GRID2: variants seen among roughly 807,000 people sequenced by gnomAD.
GRID2 encodes the protein glutamate ionotropic receptor delta type subunit 2.
Under a neutral mutation model 114.8 loss-of-function variants are expected in GRID2, and 33 were observed. The ratio of observed to expected loss-of-function variants is 0.29; its 90% CI spans 0.22 to 0.38. The LOEUF (loss-of-function observed/expected upper bound fraction) is 0.38, where lower values mean the gene tolerates loss of function less well. Ranked by LOEUF, GRID2 falls within the 10% of genes least tolerant of loss-of-function variation. GRID2 has a pLI of 1.00. For synonymous variants in GRID2, 505 were observed against 449.9 expected (o/e 1.12, Z -1.55); for missense variants, 1,184 against 1,257.7 (o/e 0.94, Z 0.89).
chr4:92,946,981 T>G (rs1046429429), intron 2 of GRID2, among the ~76,000 whole-genome samples: 1 of 152,042 alleles, frequency 6.6e-6, no homozygotes, highest in South Asian at 2.1e-4. Flanking sequence ...CTCTGAAAGA[T>G]GGAAAGATTT....
intron 14 of GRID2, among the ~76,000 whole-genome samples, chr4:93,682,587 A>G (rs915091520): frequency 1.3e-5 from 2 of 152,172 alleles, no homozygotes; most frequent in African/African-American, 2.4e-5. Context: ...TACACCATGG[A>G]ATACTATGCA....
chr4:93,586,594 G>C (rs1737559905), intron 13 of GRID2, among the ~76,000 whole-genome samples: 1 of 152,084 alleles, frequency 6.6e-6, no homozygotes, highest in Non-Finnish European at 1.5e-5. Flanking sequence ...AGTCTGGTAA[G>C]ATAGATATTA....
At chr4:93,025,035 A>T (rs1032585407) in intron 2 of GRID2, among the ~76,000 whole-genome samples, 1 of 151,690 alleles carries the variant, frequency 6.6e-6, no homozygotes, top group African/African-American at 2.4e-5. Flanking sequence ...GGCATTCAGC[A>T]CAAACCTAGC....
At chr4:93,747,486 T>C (rs895237927) in intron 14 of GRID2, among the ~76,000 whole-genome samples, 1 of 152,168 alleles carries the variant, frequency 6.6e-6, no homozygotes, top group African/African-American at 2.4e-5. Context: ...TATTGCTCTC[T>C]AGCACCATTT....
In GRID2 at chr4:92,941,271, T is replaced by C. The variant is rs185719401; in HGVS notation, c.245-143724T>C. ...TCCTGTAACTGGTCTATTCAGAGATTCAACTTCTTCCTGGTTTAGTCTTGG... is the reference window on the plus strand; with the variant it reads ...TCCTGTAACTGGTCTATTCAGAGATCCAACTTCTTCCTGGTTTAGTCTTGG... On this transcript the variant is annotated intron_variant, in intron 2 of 15. Coordinates refer to ENST00000282020, the MANE Select transcript of GRID2 (RefSeq NM_001510.4). Among the ~76,000 whole-genome samples, 3 of 152,192 alleles carry C rather than the reference T, an allele frequency of 2.0e-5. No individual in the cohort carries two copies. The East Asian group carries it at 5.8e-4, about 29-fold the overall frequency.
In GRID2 at chr4:92,551,254, C is replaced by CTGTGTGTGTGTG. The variant is rs34809917; in HGVS notation, c.89-38853_89-38842dup. Among the ~76,000 whole-genome samples, 122 of 146,980 alleles carry CTGTGTGTGTGTG rather than the reference C, an allele frequency of 8.3e-4. 2 individuals are homozygous for CTGTGTGTGTGTG. Among genetic ancestry groups the CTGTGTGTGTGTG allele is most frequent in the African/African-American group, 2.1e-3 (85 of 39,796 alleles). On this transcript the variant is annotated intron_variant, in intron 1 of 15. Coordinates refer to ENST00000282020, the MANE Select transcript of GRID2 (RefSeq NM_001510.4). Reference sequence around the variant, plus strand: ...TGAAGGGAAATATATACATCTACACCTGTGTGTGTGTGTGTGTGTGTGTGT... The same window carrying CTGTGTGTGTGTG: ...TGAAGGGAAATATATACATCTACACCTGTGTGTGTGTGTGTGTGTGTGTGTGTGTGTGTGTGT...
intron 2 of GRID2, among the ~76,000 whole-genome samples, chr4:92,901,530 T>A (rs1021279233): frequency 1.1e-4 from 16 of 152,226 alleles, no homozygotes. Flanking sequence ...TGGTTTCATA[T>A]GCTTTTGAGG....
At chr4:93,010,637 A>G (rs1722036334) in intron 2 of GRID2, among the ~76,000 whole-genome samples, 1 of 152,202 alleles carries the variant, frequency 6.6e-6, no homozygotes. Flanking sequence ...ATTGCTGTGA[A>G]GATTTCTCAC....
intron 2 of GRID2, among the ~76,000 whole-genome samples, chr4:92,960,961 A>G (rs907538433): frequency 2.0e-5 from 3 of 151,768 alleles, no homozygotes; most frequent in African/African-American, 4.8e-5. Flanking sequence ...GAAGTTTGCA[A>G]TATAAATTTA....
rs180741424 is a variant in GRID2, at chr4:93,126,844, G to T, written c.735+15891G>T. On this transcript the variant is annotated intron_variant, in intron 4 of 15. Transcript: ENST00000282020. ...GATCTCCTGACCTCGTGATCCGCCC[G>T]CCTCGGCCTCCCAAAGTGCTGGGAT... Among the ~76,000 whole-genome samples the T allele has an allele frequency of 3.4e-4, 51 of 151,812 alleles. 2 individuals are homozygous for T. In the South Asian group the frequency reaches 9.4e-3, roughly 28 times the overall value.
intron 2 of GRID2, among the ~76,000 whole-genome samples, chr4:92,735,968 T>A (rs533113014): frequency 1.3e-5 from 2 of 152,150 alleles, no homozygotes; most frequent in African/African-American, 4.8e-5. Flanking sequence ...TGAAGAAAGG[T>A]TCACGTGGTA....
At chr4:92,795,916 T>C (rs527966561) in intron 2 of GRID2, among the ~76,000 whole-genome samples, 2 of 152,116 alleles carry the variant, frequency 1.3e-5, no homozygotes, top group East Asian at 3.9e-4. Context: ...TCCTTTTTTA[T>C]TTATATATTT....
chr4:92,549,874 T>C lies in GRID2; in HGVS notation c.89-40257T>C, dbSNP rs138251087. 4.9e-3 allele frequency among the ~76,000 whole-genome samples: 748 copies of C among 152,288 alleles called. 4 individuals are homozygous for C. The highest frequency in any genetic ancestry group is 0.017 in the African/African-American group (710 of 41,562). ...CTTGAGAAGAAATACTAATGTAATCTAGTAACTCTTTATTCTCTTAATGAG... is the reference window on the plus strand; with the variant it reads ...CTTGAGAAGAAATACTAATGTAATCCAGTAACTCTTTATTCTCTTAATGAG... On this transcript the variant is annotated intron_variant, in intron 1 of 15. Coordinates refer to ENST00000282020, the MANE Select transcript of GRID2 (RefSeq NM_001510.4).
chr4:92,722,133 G>A (rs906032930), intron 2 of GRID2, among the ~76,000 whole-genome samples: 11 of 152,184 alleles, frequency 7.2e-5, no homozygotes, highest in African/African-American at 2.7e-4. Context: ...ATGCAGTGTA[G>A]TCCGTGAGAG....
intron 9 of GRID2, among the ~76,000 whole-genome samples, chr4:93,396,064 T>C (rs1351783334): frequency 6.6e-6 from 1 of 151,980 alleles, no homozygotes; most frequent in Non-Finnish European, 1.5e-5. Flanking sequence ...AAACTATAAA[T>C]GAACATAACC....
chr4:92,602,140 G>A (rs1281540980), intron 2 of GRID2, among the ~76,000 whole-genome samples: 1 of 149,388 alleles, frequency 6.7e-6, no homozygotes, highest in Non-Finnish European at 1.5e-5. Context: ...GAAAAGGAGG[G>A]ACTTCACCCT....
intron 12 of GRID2, among the ~76,000 whole-genome samples, chr4:93,512,484 G>A (rs776829202): frequency 6.6e-6 from 1 of 151,982 alleles, no homozygotes; most frequent in Non-Finnish European, 1.5e-5. Context: ...ACTTCATTTT[G>A]CTTCAGTCGT....
At chr4:92,547,605 C>A (rs1174830295) in intron 1 of GRID2, among the ~76,000 whole-genome samples, 1 of 151,572 alleles carries the variant, frequency 6.6e-6, no homozygotes, top group South Asian at 2.1e-4. Flanking sequence ...TTGTCTTACC[C>A]AAAATGGAAA....
chr4:92,364,914 A>G (rs547853001), intron 1 of GRID2, among the ~76,000 whole-genome samples: 34 of 152,208 alleles, frequency 2.2e-4, no homozygotes, highest in Middle Eastern at 3.4e-3. Context: ...CTGTATCTAA[A>G]CTGGCTGTTG....
Sources: allele counts gnomAD v4.1 joint callset (sites outside exome capture counted in the v4.1 genomes callset), GRCh38; gene constraint gnomAD v4.1.1; transcripts MANE v1.5; gene names NCBI Gene and HGNC (gene_info 2026-07-23, HGNC 2026-07-21).